Variants in EPAS1 observed in about 807,000 individuals in gnomAD.
EPAS1 encodes the protein endothelial PAS domain protein 1.
A neutral mutation model predicts 87.9 loss-of-function variants in EPAS1; 23 were observed. That is an observed-to-expected ratio of 0.26 (90% CI 0.19 to 0.37). EPAS1 has a LOEUF of 0.37. Ranked by LOEUF, EPAS1 falls within the 10% of genes least tolerant of loss-of-function variation. The pLI is 1.00. For synonymous variants in EPAS1, 508 were observed against 444.3 expected, an observed-to-expected ratio of 1.14 and a Z score of -1.80; for missense variants, 1,138 against 1,120.7, an observed-to-expected ratio of 1.02 and a Z score of -0.22.
intron 1 of EPAS1, among the ~76,000 whole-genome samples, chr2:46,345,523 G>A (rs1684006830): frequency 6.6e-6 from 1 of 152,050 alleles, no homozygotes; most frequent in South Asian, 2.1e-4. Context: ...TTTACCTGCT[G>A]GAGGCCACAG....
rs141498636 is a variant in EPAS1, at chr2:46,384,589, G to A, written c.2542G>A (p.Val848Met). The change falls in exon 16 of 16, where the codon GTG becomes ATG. Residue 848 changes from valine to methionine, a missense_variant. Transcript: ENST00000263734. ...GACCAGATATGACTGTGAGGTGAACGTGCCCGTGCTGGGAAGCTCCACGCT... is the reference window on the plus strand; with the variant it reads ...GACCAGATATGACTGTGAGGTGAACATGCCCGTGCTGGGAAGCTCCACGCT... Reference protein sequence around the residue: ...ELTRYDCEVNVPVLGSSTLLQ... With the variant: ...ELTRYDCEVNMPVLGSSTLLQ... The A allele has an allele frequency of 5.6e-6, 9 of 1,613,988 alleles. No individual in the cohort carries two copies. The African/African-American group carries it at 6.7e-5, about 12-fold the overall frequency.
chr2:46,305,469 C>T (rs189809260), intron 1 of EPAS1, among the ~76,000 whole-genome samples: 103 of 152,248 alleles, frequency 6.8e-4, no homozygotes, highest in Non-Finnish European at 1.2e-3. Flanking sequence ...CCCACTCCCC[C>T]GAACTTGGAA....
intron 7 of EPAS1, among the ~76,000 whole-genome samples, chr2:46,374,176 A>G (rs1684684148): frequency 6.6e-6 from 1 of 152,230 alleles, no homozygotes. Context: ...AGGATTACCA[A>G]ACTGCACTAG....
intron 1 of EPAS1, among the ~76,000 whole-genome samples, chr2:46,342,390 C>T (rs1683931002): frequency 1.3e-5 from 2 of 152,164 alleles, no homozygotes. Flanking sequence ...TGCAAATTGG[C>T]TCCAGCTTGG....
rs1353648218 is a variant in EPAS1 at position 46,300,408 on chromosome 2, A to G, written c.26+2471A>G. Among the ~76,000 whole-genome samples, 1 of 152,244 alleles carries G rather than the reference A, an allele frequency of 6.6e-6. No homozygotes were observed. The highest frequency in any genetic ancestry group is 2.4e-5 in the African/African-American group (1 of 41,458). ...TCGTTCTAACAATGGCCCGTCAAGA[A>G]GTGGGCAGATGATTTTGTCCCAGAA... On this transcript the variant is annotated intron_variant, in intron 1 of 15. Coordinates refer to ENST00000263734, the MANE Select transcript of EPAS1 (RefSeq NM_001430.5). This position sits in a 1 kb window ranked among gnomAD's most constrained non-coding sequence, Gnocchi z 4.1.
In EPAS1 at chr2:46,347,561, T is replaced by C. The variant is rs561358336; in HGVS notation, c.217+498T>C. ...AACATTGGTTTCCTCGTGTATAAAATGGGGTTAAACATACTTCTTGCCCAG... is the reference window on the plus strand; with the variant it reads ...AACATTGGTTTCCTCGTGTATAAAACGGGGTTAAACATACTTCTTGCCCAG... On this transcript the variant is annotated intron_variant, in intron 2 of 15. Transcript: ENST00000263734. This position sits in a 1 kb window ranked among gnomAD's most constrained non-coding sequence, Gnocchi z 4.2. The C allele has an allele frequency of 4.2e-5, 9 of 215,486 alleles. No homozygotes were observed. Among genetic ancestry groups the C allele is most frequent in the Admixed American group, 1.6e-4 (3 of 19,228 alleles). 13.3% of individuals were successfully genotyped at this position (215,486 alleles called of 1,614,324 possible). A position where few individuals can be genotyped will look rare whatever the true frequency, so the allele number is the denominator to read the frequency against.
At chr2:46,378,201 C>T (rs371992743) in intron 10 of EPAS1, 114 bp downstream of exon 10, 3 of 1,479,278 alleles carry the variant, frequency 2.0e-6, no homozygotes, top group Middle Eastern at 2.5e-4. Flanking sequence ...TATCACAGAG[C>T]CCCCTAGAGT....
In EPAS1 at chr2:46,357,712, G is replaced by A. The variant is rs565308187; in HGVS notation, c.454+904G>A. Among the ~76,000 whole-genome samples the A allele has an allele frequency of 1.4e-4, 21 of 152,310 alleles. No individual in the cohort carries two copies. The South Asian group carries it at 2.7e-3, about 20-fold the overall frequency. On this transcript the variant is annotated intron_variant, in intron 4 of 15. Coordinates refer to ENST00000263734, the MANE Select transcript of EPAS1 (RefSeq NM_001430.5). ...ACAGGAAATGGTACCCTGATGAGACGCAGGTCAAGTAGGTTTTGATGGAGA... is the reference window on the plus strand; with the variant it reads ...ACAGGAAATGGTACCCTGATGAGACACAGGTCAAGTAGGTTTTGATGGAGA...
At chr2:46,312,101 G>C (rs1297206837) in intron 1 of EPAS1, among the ~76,000 whole-genome samples, 2 of 152,192 alleles carry the variant, frequency 1.3e-5, no homozygotes, top group Non-Finnish European at 2.9e-5. Flanking sequence ...ATTTTGGAGA[G>C]AGACAAACTT....
intron 1 of EPAS1, among the ~76,000 whole-genome samples, chr2:46,316,316 T>C (rs1683315009): frequency 6.6e-6 from 1 of 151,930 alleles, no homozygotes; most frequent in Non-Finnish European, 1.5e-5. Context: ...TGGAGTGCAA[T>C]GGGGCAATCT....
Position 46,347,662 on chromosome 2 carries a change from C to G in EPAS1, c.217+599C>G. 1 of 160,318 alleles carries G rather than the reference C, an allele frequency of 6.2e-6. No homozygotes were observed. Among genetic ancestry groups the G allele is most frequent in the South Asian group, 1.8e-4 (1 of 5,702 alleles). 9.9% of individuals were successfully genotyped at this position (160,318 alleles called of 1,614,324 possible). A position where few individuals can be genotyped will look rare whatever the true frequency, so the allele number is the denominator to read the frequency against. On this transcript the variant is annotated intron_variant, in intron 2 of 15. Transcript: ENST00000263734. This position sits in a 1 kb window ranked among gnomAD's most constrained non-coding sequence, Gnocchi z 4.2. Reference sequence around the variant, plus strand: ...CTGAGCTCACTCACACTGGGGAGTCCTTGACATCACCCCTCCCTCGGAAAA... The same window carrying G: ...CTGAGCTCACTCACACTGGGGAGTCGTTGACATCACCCCTCCCTCGGAAAA...
chr2:46,323,211 T>C (rs747154289), intron 1 of EPAS1, among the ~76,000 whole-genome samples: 2 of 152,260 alleles, frequency 1.3e-5, no homozygotes, highest in African/African-American at 2.4e-5. Context: ...GAGACTTTTT[T>C]TTTAAGCTGC....
At chr2:46,356,439 C>A in intron 3 of EPAS1, 137 bp downstream of exon 3, 1 of 1,141,806 alleles carries the variant, frequency 8.8e-7, no homozygotes, top group Non-Finnish European at 1.3e-6. Context: ...CCTCAGGCCA[C>A]ACGCCTCAGG....
chr2:46,356,127 T>TGGGGGGGGGGGGGGGGG, intron 2 of EPAS1, 24 bp from the exon 3 acceptor site: 378 of 1,394,626 alleles, frequency 2.7e-4, no homozygotes, highest in Non-Finnish European at 3.5e-4. Flanking sequence ...TCATGCAAGC[T>TGGGGGGGGGGGGGGGGG]GTCCCACCCC....
At chr2:46,383,477 A>G (rs1468171666) in intron 15 of EPAS1, among the ~76,000 whole-genome samples, 1 of 152,190 alleles carries the variant, frequency 6.6e-6, no homozygotes, top group African/African-American at 2.4e-5. Context: ...CTAAAAGGCA[A>G]TTTCCTCAGC....
intron 6 of EPAS1, among the ~76,000 whole-genome samples, chr2:46,366,997 G>A (rs1410876066): frequency 6.6e-6 from 1 of 152,244 alleles, no homozygotes; most frequent in Non-Finnish European, 1.5e-5. Context: ...TGTTTGGGAT[G>A]TGGTGTATTT....
Position 46,380,316 on chromosome 2 carries a change from G to A in EPAS1, c.1644G>A (p.Glu548=). 6 of 1,614,118 alleles carry A rather than the reference G, an allele frequency of 3.7e-6. No individual in the cohort carries two copies. Among genetic ancestry groups the A allele is most frequent in the Non-Finnish European group, 5.1e-6 (6 of 1,180,008 alleles). Residue 548 remains glutamate (E), a synonymous_variant, in exon 12 of 16, where the codon GAG becomes GAA. Coordinates refer to ENST00000263734, the MANE Select transcript of EPAS1 (RefSeq NM_001430.5). This position sits in a 1 kb window ranked among gnomAD's most constrained non-coding sequence, Gnocchi z 4.4. ...EDFQLSPICP[E]ERLLAENPQS... ...TCCAGCTAAGCCCCATCTGCCCCGAGGAGCGGCTCTTGGCGGAGAACCCAC... is the reference window on the plus strand; with the variant it reads ...TCCAGCTAAGCCCCATCTGCCCCGAAGAGCGGCTCTTGGCGGAGAACCCAC...
intron 1 of EPAS1, among the ~76,000 whole-genome samples, chr2:46,317,869 T>C (rs966531273): frequency 3.3e-5 from 5 of 152,228 alleles, no homozygotes; most frequent in Admixed American, 1.3e-4. Context: ...CTTCTTTCCT[T>C]AAATGTGACG....
chr2:46,321,767 A>C (rs6753302), intron 1 of EPAS1, among the ~76,000 whole-genome samples: 7,375 of 151,680 alleles, frequency 0.049, 228 homozygotes, highest in Non-Finnish European at 0.066. Context: ...GCAAACAAAG[A>C]CTATCAACAT....
Sources: allele counts gnomAD v4.1 joint callset (sites outside exome capture counted in the v4.1 genomes callset), GRCh38; gene constraint gnomAD v4.1.1; non-coding constraint Gnocchi (gnomAD v3.1); transcripts MANE v1.5; gene names NCBI Gene and HGNC (gene_info 2026-07-23, HGNC 2026-07-21).